GNAS: variants seen among roughly 807,000 people sequenced by gnomAD.
GNAS encodes the protein GNAS complex locus.
In GNAS, 8 loss-of-function variants were observed where a neutral mutation model predicts 54.5. The observed-to-expected ratio is 0.15, with a 90% CI of 0.09 to 0.26. The LOEUF (loss-of-function observed/expected upper bound fraction) is 0.26, where lower values mean the gene tolerates loss of function less well. GNAS is among the 10% of genes least tolerant of loss of function. GNAS has a pLI of 1.00. For synonymous variants in GNAS, 204 were observed against 191.4 expected (o/e 1.07, Z -0.54); for missense variants, 170 against 529.8 (o/e 0.32, Z 6.67).
intron 1 of GNAS, among the ~76,000 whole-genome samples, chr20:58,862,923 A>T (rs947842734): frequency 1.3e-5 from 2 of 151,708 alleles, no homozygotes; most frequent in African/African-American, 4.8e-5. Flanking sequence ...GGCTGAGCTC[A>T]AGGACCTGAG....
rs1208611211 is a variant in GNAS, at chr20:58,909,273, G to T, written c.585+57G>T. The T allele has an allele frequency of 6.3e-7, 1 of 1,586,792 alleles. No individual in the cohort carries two copies. Among genetic ancestry groups the T allele is most frequent in the Non-Finnish European group, 8.7e-7 (1 of 1,155,182 alleles). On this transcript the variant is annotated intron_variant, in intron 7 of 12. Coordinates refer to ENST00000371085, the MANE Select transcript of GNAS (RefSeq NM_000516.7). This position sits in a 1 kb window ranked among gnomAD's most constrained non-coding sequence, Gnocchi z 7.3. Reference sequence around the variant, plus strand: ...TGAGCCCTCTTTCCAAACTACTCCAGACCTTTGCTTTAGATTGGCAATTAT... The same window carrying T: ...TGAGCCCTCTTTCCAAACTACTCCATACCTTTGCTTTAGATTGGCAATTAT...
chr20:58,869,140 A>T (rs2087265945), intron 1 of GNAS, among the ~76,000 whole-genome samples: 1 of 152,174 alleles, frequency 6.6e-6, no homozygotes, highest in Non-Finnish European at 1.5e-5. Flanking sequence ...CGATCAGGTA[A>T]CCTCCAGATT....
In GNAS at chr20:58,909,034, A is replaced by G. The variant is rs1352481169; in HGVS notation, c.531-128A>G. On this transcript the variant is annotated intron_variant, in intron 6 of 12. Transcript: ENST00000371085. The surrounding 1 kb of genome is among the most constrained non-coding windows in gnomAD (Gnocchi z 7.3). ...TAACCAACACACAAGCAAATGTGCC[A>G]TTGACTTAGTGCTGCATAACTGTGG... 7.3e-6 allele frequency: 6 copies of G among 817,328 alleles called. No homozygotes were observed. Among genetic ancestry groups the G allele is most frequent in the African/African-American group, 1.7e-5 (1 of 59,808 alleles). 50.6% of individuals were successfully genotyped at this position (817,328 alleles called of 1,614,324 possible).
chr20:58,903,031 C>T (rs543899693), intron 3 of GNAS: 61 of 244,000 alleles, frequency 2.5e-4, no homozygotes, highest in South Asian at 4.1e-4. Flanking sequence ...CCACCGCACC[C>T]GGGCTCCTGT....
chr20:58,888,796 G>T (rs990420562), upstream of GNAS: 1 of 152,114 alleles, frequency 6.6e-6, no homozygotes, highest in Non-Finnish European at 1.5e-5. Context: ...GCGCCGCTGG[G>T]AGGGCGGGGT....
At chr20:58,885,344 A>G (rs920539109) in intron 1 of GNAS, among the ~76,000 whole-genome samples, 1 of 152,274 alleles carries the variant, frequency 6.6e-6, no homozygotes, top group African/African-American at 2.4e-5. Context: ...ATGTTTGAAC[A>G]GCATCTCAAA....
At position 58,911,036 on chromosome 20, in the gene GNAS, G is replaced by C; in HGVS notation, c.*207G>C. 1 of 679,840 alleles carries C rather than the reference G, an allele frequency of 1.5e-6. No homozygotes were observed. The highest frequency in any genetic ancestry group is 2.7e-6 in the Non-Finnish European group (1 of 374,586). 42.1% of individuals were successfully genotyped at this position (679,840 alleles called of 1,614,324 possible). A position where few individuals can be genotyped will look rare whatever the true frequency, so the allele number is the denominator to read the frequency against. Reference sequence around the variant, plus strand: ...AAGCTTAAGGCGGCCTACAGAAAAAGGAAAAAAGGCCACAAAAGTTCCCTC... The same window carrying C: ...AAGCTTAAGGCGGCCTACAGAAAAACGAAAAAAGGCCACAAAAGTTCCCTC... On this transcript the variant is annotated 3_prime_UTR_variant, in exon 13 of 13. Transcript: ENST00000371085.
intron 6 of GNAS, among the ~76,000 whole-genome samples, chr20:58,907,352 C>G (rs1367816581): frequency 6.6e-6 from 1 of 152,220 alleles, no homozygotes; most frequent in African/African-American, 2.4e-5. Context: ...GCCCCCACTC[C>G]TTCTTCAACA....
chr20:58,884,962 G>A (rs898661507), intron 1 of GNAS: 1 of 152,264 alleles, frequency 6.6e-6, no homozygotes, highest in Admixed American at 6.5e-5. Flanking sequence ...GGTCCTGCTA[G>A]TGGGTTTGTT....
chr20:58,853,636 C>A lies in GNAS; in HGVS notation c.43+12750C>A. 2 of 1,613,476 alleles carry A rather than the reference C, an allele frequency of 1.2e-6. No individual in the cohort carries two copies. Among genetic ancestry groups the A allele is most frequent in the Non-Finnish European group, 1.7e-6 (2 of 1,179,880 alleles). On this transcript the variant is annotated intron_variant, in intron 1 of 12. Transcript: ENST00000306090. The surrounding 1 kb of genome is among the most constrained non-coding windows in gnomAD (Gnocchi z 4.4). ...CCTACACTGGAGCAGCCTGGATTCC[C>A]CAGTGGGGTCCATGCAGGCCTTGAG...
At chr20:58,884,399 G>C (rs1342660362) in intron 1 of GNAS, 1 of 152,006 alleles carries the variant, frequency 6.6e-6, no homozygotes, top group Non-Finnish European at 1.5e-5. Flanking sequence ...AATTATAAAG[G>C]GCTTCTTTTA....
chr20:58,854,708 G>C (rs765614040), intron 1 of GNAS: 1 of 1,532,474 alleles, frequency 6.5e-7, no homozygotes, highest in South Asian at 1.2e-5. Flanking sequence ...CGGCTGCTGA[G>C]ACCCGGGCAG....
upstream of GNAS, chr20:58,840,821 C>A (rs79527543): frequency 2.4e-3 from 3,846 of 1,612,766 alleles, 71 homozygotes; most frequent in African/African-American, 0.042. This position sits in a 1 kb window ranked among gnomAD's most constrained non-coding sequence, Gnocchi z 6.0. Flanking sequence ...CAAAAAGGGA[C>A]CCATCCCCAT....
chr20:58,872,902 T>A (rs1362554048), intron 1 of GNAS, among the ~76,000 whole-genome samples: 1 of 152,204 alleles, frequency 6.6e-6, no homozygotes, highest in African/African-American at 2.4e-5. Context: ...AATCAAAATT[T>A]CATCCTAATT....
At chr20:58,851,926 C>T (rs2086192057) in intron 1 of GNAS, among the ~76,000 whole-genome samples, 1 of 152,160 alleles carries the variant, frequency 6.6e-6, no homozygotes, top group African/African-American at 2.4e-5. Context: ...GGTTGCCGCG[C>T]GGCATGGTAT....
chr20:58,847,661 C>T (rs138210656), intron 1 of GNAS, among the ~76,000 whole-genome samples: 1 of 152,208 alleles, frequency 6.6e-6, no homozygotes, highest in Non-Finnish European at 1.5e-5. Flanking sequence ...CTTCACCACC[C>T]ACCTCCTCCC....
intron 1 of GNAS, chr20:58,855,200 C>G (rs1199847568): frequency 6.2e-7 from 1 of 1,602,802 alleles, no homozygotes. Flanking sequence ...CGGAGAAGCG[C>G]AGACAGATGC....
intron 1 of GNAS, among the ~76,000 whole-genome samples, chr20:58,871,417 C>A (rs1001646806): frequency 6.6e-6 from 1 of 152,004 alleles, no homozygotes; most frequent in Non-Finnish European, 1.5e-5. Context: ...GAGTTCAAGA[C>A]CAGCCTGACT....
intron 3 of GNAS, among the ~76,000 whole-genome samples, chr20:58,900,612 A>G (rs2090521628): frequency 6.6e-6 from 1 of 152,192 alleles, no homozygotes; most frequent in South Asian, 2.1e-4. Context: ...CCAAGACCCT[A>G]AAAGTACTTC....
Sources: allele counts gnomAD v4.1 joint callset (sites outside exome capture counted in the v4.1 genomes callset), GRCh38; gene constraint gnomAD v4.1.1; non-coding constraint Gnocchi (gnomAD v3.1); transcripts MANE v1.5; gene names NCBI Gene and HGNC (gene_info 2026-07-23, HGNC 2026-07-21).